CDH10: variants seen among roughly 807,000 people sequenced by gnomAD.
The protein encoded by CDH10 is cadherin-10.
Under a neutral mutation model 73.1 loss-of-function variants are expected in CDH10, and 30 were observed. The observed-to-expected ratio is 0.41, with a 90% CI of 0.31 to 0.56. CDH10 has a LOEUF of 0.56. CDH10 is among the 20% of genes least tolerant of loss of function. CDH10 has a pLI of 0.27. For missense variants in CDH10, 815 were observed against 973.7 expected (o/e 0.84, Z 2.17); for synonymous variants, 345 against 348.2 (o/e 0.99, Z 0.10).
chr5:24,620,806 A>C (rs1013538426), intron 1 of CDH10, among the ~76,000 whole-genome samples: 7 of 152,178 alleles, frequency 4.6e-5, no homozygotes, highest in Admixed American at 4.6e-4. Flanking sequence ...ATTAGACATA[A>C]AGAATGTTGA....
At chr5:24,637,393 A>AT (rs1215602205) in intron 1 of CDH10, among the ~76,000 whole-genome samples, 1 of 152,014 alleles carries the variant, frequency 6.6e-6, no homozygotes, top group Non-Finnish European at 1.5e-5. Flanking sequence ...ATGACTGCCC[A>AT]TGATGTTCTA....
At position 24,503,332 on chromosome 5, in the gene CDH10, G is replaced by T. The variant is rs368167876; in HGVS notation, c.1393+1780C>A. ...ATGCTTATTTTAAAACAGGTCAAGA[G>T]TTGCTCTACACCACATACATCACAC... On this transcript the variant is annotated intron_variant, in intron 8 of 11. Transcript: ENST00000264463. Among the ~76,000 whole-genome samples, 11 of 152,214 alleles carry T rather than the reference G, an allele frequency of 7.2e-5. No homozygotes were observed. The East Asian group carries it at 1.5e-3, about 21-fold the overall frequency.
intron 2 of CDH10, among the ~76,000 whole-genome samples, chr5:24,546,415 T>A (rs1744343750): frequency 6.6e-6 from 1 of 152,166 alleles, no homozygotes; most frequent in Non-Finnish European, 1.5e-5. Context: ...CATATCTTCA[T>A]CAGATGAATA....
chr5:24,516,566 T>G (rs1418061873), intron 5 of CDH10, among the ~76,000 whole-genome samples: 1 of 152,100 alleles, frequency 6.6e-6, no homozygotes, highest in Non-Finnish European at 1.5e-5. Flanking sequence ...TACTTATGCT[T>G]TTATTTATTT....
chr5:24,641,440 G>C (rs1748046558), intron 1 of CDH10, among the ~76,000 whole-genome samples: 1 of 151,948 alleles, frequency 6.6e-6, no homozygotes, highest in Non-Finnish European at 1.5e-5. Flanking sequence ...GTTTCAACTA[G>C]AAAGGAAAAA....
intron 2 of CDH10, among the ~76,000 whole-genome samples, chr5:24,573,239 TAAAA>T (rs1345487761): frequency 6.6e-6 from 1 of 151,756 alleles, no homozygotes; most frequent in African/African-American, 2.4e-5. Context: ...TGTAAACAGT[TAAAA>T]AGACAGTAGA....
intron 1 of CDH10, among the ~76,000 whole-genome samples, chr5:24,625,537 TTATC>T (rs1476369515): frequency 3.1e-5 from 4 of 127,270 alleles, no homozygotes; most frequent in South Asian, 2.4e-4. Context: ...ATCAATCTAT[TTATC>T]TATCTGTATA....
chr5:24,628,041 A>G (rs1747569703), intron 1 of CDH10, among the ~76,000 whole-genome samples: 1 of 152,278 alleles, frequency 6.6e-6, no homozygotes, highest in East Asian at 1.9e-4. Flanking sequence ...GCTCTACATC[A>G]TATTTTGCTG....
chr5:24,590,333 A>G lies in CDH10; in HGVS notation c.231+2927T>C, dbSNP rs562842945. On this transcript the variant is annotated intron_variant, in intron 2 of 11. Coordinates refer to ENST00000264463, the MANE Select transcript of CDH10 (RefSeq NM_006727.5). ...TTAAATACACATATAATTTATATTTATAATGTAATATTATTAGAAGTGAGT... is the reference window on the plus strand; with the variant it reads ...TTAAATACACATATAATTTATATTTGTAATGTAATATTATTAGAAGTGAGT... 2.4e-3 allele frequency among the ~76,000 whole-genome samples: 362 copies of G among 150,900 alleles called. 3 individuals carry two copies. Among genetic ancestry groups the G allele is most frequent in the Non-Finnish European group, 2.6e-3 (175 of 67,694 alleles).
At chr5:24,581,809 TTG>T (rs1404559235) in intron 2 of CDH10, among the ~76,000 whole-genome samples, 1 of 152,158 alleles carries the variant, frequency 6.6e-6, no homozygotes, top group Non-Finnish European at 1.5e-5. Flanking sequence ...CCCTTAAAAA[TTG>T]TGTTTATTTC....
At chr5:24,511,296 A>G in intron 6 of CDH10, 31 bp downstream of exon 6, 1 of 1,413,426 alleles carries the variant, frequency 7.1e-7, no homozygotes. Context: ...CCTGAAACAC[A>G]CAGATGCTTA....
intron 1 of CDH10, among the ~76,000 whole-genome samples, chr5:24,621,826 A>T (rs541954341): frequency 9.5e-5 from 14 of 146,740 alleles, no homozygotes; most frequent in African/African-American, 3.7e-4. Flanking sequence ...ATACGTGTGT[A>T]TACACACACA....
Position 24,604,462 on chromosome 5 carries a change from G to GA in CDH10, c.-123-10850dup, listed in dbSNP as rs1746681591. Reference sequence around the variant, plus strand: ...ACTTTTGTCTTTTGTAATTGGTAAAGATTTCTTTGAGATGATACCTAAATC... The same window carrying GA: ...ACTTTTGTCTTTTGTAATTGGTAAAGAATTTCTTTGAGATGATACCTAAATC... On this transcript the variant is annotated intron_variant, in intron 1 of 11. Coordinates refer to ENST00000264463, the MANE Select transcript of CDH10 (RefSeq NM_006727.5). Among the ~76,000 whole-genome samples the GA allele has an allele frequency of 2.0e-5, 3 of 152,130 alleles. No homozygotes were observed. In the South Asian group the frequency reaches 6.2e-4, roughly 31 times the overall value.
At chr5:24,620,747 C>T (rs1048411842) in intron 1 of CDH10, among the ~76,000 whole-genome samples, 3 of 151,920 alleles carry the variant, frequency 2.0e-5, no homozygotes, top group Non-Finnish European at 4.4e-5. Flanking sequence ...TCATCCTCTT[C>T]TCATTGCCCC....
intron 9 of CDH10, among the ~76,000 whole-genome samples, chr5:24,495,207 C>T (rs1235971262): frequency 3.3e-5 from 5 of 152,020 alleles, no homozygotes; most frequent in African/African-American, 9.7e-5. Flanking sequence ...TCATTTTGGT[C>T]CATTTCCAAT....
chr5:24,617,314 A>G (rs1437365175), intron 1 of CDH10, among the ~76,000 whole-genome samples: 1 of 152,158 alleles, frequency 6.6e-6, no homozygotes, highest in Non-Finnish European at 1.5e-5. Context: ...AGGGAGAAAA[A>G]TTACCCCAAA....
rs1451723430 is a variant in CDH10, at chr5:24,644,593, C to T, written c.-124+1G>A. 6.6e-6 allele frequency: 1 copy of T among 151,472 alleles called. No homozygotes were observed. Among genetic ancestry groups the T allele is most frequent in the Non-Finnish European group, 1.5e-5 (1 of 67,902 alleles). The allele number at this position is 151,472 out of a possible 1,614,324, so 9.4% of individuals were successfully genotyped here. A position where few individuals can be genotyped will look rare whatever the true frequency, so the allele number is the denominator to read the frequency against. On this transcript the variant is annotated splice_donor_variant, in intron 1 of 11. Transcript: ENST00000264463. LOFTEE classifies it low-confidence loss of function (5UTR_SPLICE). ...AAAAGAAAGAGGTGAAGTCTTCCTA[C>T]CTTTTTTATCAGCTTCTGGATAATG... is the stretch of plus-strand genomic sequence containing the variant.
Position 24,493,467 on chromosome 5 carries a change from T to A in CDH10, c.1516-542A>T, listed in dbSNP as rs79218493. Among the ~76,000 whole-genome samples, 20 of 151,982 alleles carry A rather than the reference T, an allele frequency of 1.3e-4. No homozygotes were observed. The East Asian group carries it at 3.5e-3, about 26-fold the overall frequency. ...TTAAAAATTCAGCATATATAATATG[T>A]GTGAATTATTTTAAAAGGGTAAACT... On this transcript the variant is annotated intron_variant, in intron 9 of 11. Coordinates refer to ENST00000264463, the MANE Select transcript of CDH10 (RefSeq NM_006727.5).
intron 2 of CDH10, among the ~76,000 whole-genome samples, chr5:24,591,791 A>T (rs1428607602): frequency 1.3e-5 from 2 of 151,930 alleles, no homozygotes; most frequent in Admixed American, 1.3e-4. Flanking sequence ...AATAAAAAAT[A>T]AGAAGTAGCT....
Sources: allele counts gnomAD v4.1 joint callset (sites outside exome capture counted in the v4.1 genomes callset), GRCh38; gene constraint gnomAD v4.1.1; transcripts MANE v1.5; gene names NCBI Gene and HGNC (gene_info 2026-07-23, HGNC 2026-07-21).